DLGAP2: variants seen among roughly 807,000 people sequenced by gnomAD.
The protein encoded by DLGAP2 is DLG associated protein 2, also known as disks large-associated protein 2.
Under a neutral mutation model 100.3 loss-of-function variants are expected in DLGAP2, and 26 were observed. The ratio of observed to expected loss-of-function variants is 0.26; its 90% CI spans 0.19 to 0.36. The LOEUF (loss-of-function observed/expected upper bound fraction) is 0.36. Among genes scored for constraint, DLGAP2 ranks in the 10% least tolerant of loss-of-function variants. The pLI, the probability that DLGAP2 is intolerant of heterozygous loss-of-function variation, is 1.00. For synonymous variants in DLGAP2, 886 were observed against 630.1 expected, an observed-to-expected ratio of 1.41 and a Z score of -6.08; for missense variants, 1,858 against 1,453.2, an observed-to-expected ratio of 1.28 and a Z score of -4.53.
intron 3 of DLGAP2, among the ~76,000 whole-genome samples, chr8:1,323,373 C>T (rs1342771652): frequency 2.0e-5 from 3 of 152,174 alleles, no homozygotes; most frequent in Non-Finnish European, 4.4e-5. Flanking sequence ...CCACGATGCA[C>T]ATCCTCCGGG....
At chr8:1,587,982 G>A (rs1002785583) in intron 6 of DLGAP2, among the ~76,000 whole-genome samples, 23 of 152,084 alleles carry the variant, frequency 1.5e-4, no homozygotes, top group African/African-American at 5.1e-4. Flanking sequence ...ACTGTGACAC[G>A]TGCATTCCTG....
intron 1 of DLGAP2, among the ~76,000 whole-genome samples, chr8:771,600 C>T (rs895005153): frequency 3.9e-5 from 6 of 152,216 alleles, no homozygotes; most frequent in African/African-American, 7.2e-5. Context: ...ACTAGTCCAA[C>T]CCAGGTGGTT....
intron 1 of DLGAP2, among the ~76,000 whole-genome samples, chr8:864,978 T>A (rs949602158): frequency 4.6e-5 from 7 of 152,208 alleles, no homozygotes; most frequent in Non-Finnish European, 7.3e-5. Flanking sequence ...GATTTAGGAA[T>A]CTCAGATATA....
At chr8:1,343,672 G>A (rs7839281) in intron 3 of DLGAP2, among the ~76,000 whole-genome samples, 5 of 151,728 alleles carry the variant, frequency 3.3e-5, no homozygotes, top group South Asian at 2.1e-4. Flanking sequence ...AAATGGTTCC[G>A]CAGTCAGCTT....
chr8:1,377,048 G>T (rs1341526621), intron 3 of DLGAP2, among the ~76,000 whole-genome samples: 1 of 152,366 alleles, frequency 6.6e-6, no homozygotes, highest in Middle Eastern at 3.4e-3. Flanking sequence ...GTCCCTGGCT[G>T]CTTACATTAG....
At chr8:1,592,521 G>A (rs1020503224) in intron 6 of DLGAP2, among the ~76,000 whole-genome samples, 9 of 151,908 alleles carry the variant, frequency 5.9e-5, no homozygotes, top group Non-Finnish European at 4.4e-5. Context: ...AATCCCATCC[G>A]GATGTAACTG....
At chr8:1,623,787 T>C (rs1797418880) in intron 6 of DLGAP2, among the ~76,000 whole-genome samples, 1 of 152,258 alleles carries the variant, frequency 6.6e-6, no homozygotes, top group Non-Finnish European at 1.5e-5. Flanking sequence ...AAACATTAAA[T>C]GTGTTAGGAC....
intron 2 of DLGAP2, among the ~76,000 whole-genome samples, chr8:1,044,710 G>C (rs1046815299): frequency 6.6e-6 from 1 of 152,164 alleles, no homozygotes; most frequent in African/African-American, 2.4e-5. Context: ...AGTTTCTGCT[G>C]AGCTACTCCT....
At chr8:1,333,374 G>A (rs1801201522) in intron 3 of DLGAP2, among the ~76,000 whole-genome samples, 1 of 152,162 alleles carries the variant, frequency 6.6e-6, no homozygotes, top group Non-Finnish European at 1.5e-5. Context: ...AGAGGTTGAA[G>A]AGGTTTTGCT....
chr8:1,281,063 C>T (rs890426554), intron 3 of DLGAP2, among the ~76,000 whole-genome samples: 1 of 152,172 alleles, frequency 6.6e-6, no homozygotes, highest in Admixed American at 6.5e-5. Context: ...AGAATAGTGC[C>T]CAGCTCAGAG....
chr8:1,231,956 A>G (rs1798545006), intron 2 of DLGAP2, among the ~76,000 whole-genome samples: 1 of 152,242 alleles, frequency 6.6e-6, no homozygotes. Context: ...TGTAAAATCA[A>G]AGTTGAAAAA....
chr8:1,508,805 G>A (rs1184563294), intron 4 of DLGAP2, among the ~76,000 whole-genome samples: 2 of 151,658 alleles, frequency 1.3e-5, no homozygotes, highest in Non-Finnish European at 2.9e-5. Flanking sequence ...CTAAGCGCCC[G>A]GGGAAGACGG....
At chr8:820,894 G>T (rs574436427) in intron 1 of DLGAP2, among the ~76,000 whole-genome samples, 6 of 152,170 alleles carry the variant, frequency 3.9e-5, no homozygotes, top group Non-Finnish European at 5.9e-5. Flanking sequence ...GTACCGATAT[G>T]GAGAAATGTT....
intron 2 of DLGAP2, among the ~76,000 whole-genome samples, chr8:972,106 A>G (rs1298315183): frequency 6.6e-6 from 1 of 152,200 alleles, no homozygotes; most frequent in South Asian, 2.1e-4. Context: ...AAACAAGGAC[A>G]ACACAGGACA....
intron 2 of DLGAP2, among the ~76,000 whole-genome samples, chr8:1,232,799 G>A (rs944404006): frequency 6.6e-6 from 1 of 152,220 alleles, no homozygotes; most frequent in Non-Finnish European, 1.5e-5. Context: ...TTGAAGTGTA[G>A]TAAACGTATC....
At chr8:843,326 A>G (rs539797939) in intron 1 of DLGAP2, among the ~76,000 whole-genome samples, 35 of 152,088 alleles carry the variant, frequency 2.3e-4, no homozygotes, top group Non-Finnish European at 5.0e-4. Flanking sequence ...CCTCAGTCCT[A>G]TTATCATCTC....
chr8:1,670,683 A>G (rs1257744946), intron 10 of DLGAP2, among the ~76,000 whole-genome samples: 1 of 152,226 alleles, frequency 6.6e-6, no homozygotes, highest in Non-Finnish European at 1.5e-5. Flanking sequence ...CTTTCATGGC[A>G]GTAAGAAAAA....
Position 942,417 on chromosome 8 carries a change from C to T in DLGAP2, c.73+34451C>T, listed in dbSNP as rs141278176. Among the ~76,000 whole-genome samples the T allele has an allele frequency of 2.8e-3, 424 of 152,366 alleles. 2 individuals carry two copies. The highest frequency in any genetic ancestry group is 9.6e-3 in the African/African-American group (400 of 41,590). ...TTCTCCTCCCACCTGGAGGAGAGAA[C>T]AGAAAACCAGAGTCCCCACCTGGGA... On this transcript the variant is annotated intron_variant, in intron 2 of 14. Coordinates refer to ENST00000637795, the MANE Select transcript of DLGAP2 (RefSeq NM_001346810.2).
chr8:766,060 G>T (rs1471696285), intron 1 of DLGAP2, among the ~76,000 whole-genome samples: 2 of 152,166 alleles, frequency 1.3e-5, no homozygotes, highest in African/African-American at 4.8e-5. Flanking sequence ...TCAGCTACTT[G>T]GGAGGCTGAG....
Sources: gnomAD v4.1 joint callset for allele counts (sites outside exome capture counted in the v4.1 genomes callset) on GRCh38, gnomAD v4.1.1 for gene constraint, MANE v1.5 for transcripts, NCBI Gene and HGNC (gene_info 2026-07-23, HGNC 2026-07-21) for gene names.